DYSF: variants seen among roughly 807,000 people sequenced by gnomAD.
DYSF encodes the protein dystrophy-associated fer-1-like 1.
A neutral mutation model predicts 274.9 loss-of-function variants in DYSF; 212 were observed. That is an observed-to-expected ratio of 0.77 (90% CI 0.69 to 0.86). DYSF has a LOEUF of 0.86. Among genes scored for constraint, DYSF ranks in the 40% least tolerant of loss-of-function variants. The probability of loss-of-function intolerance (pLI) is 0.00; values close to 1 mark genes in which losing one functional copy is unlikely to be tolerated. For synonymous variants in DYSF, 1,091 were observed against 1,078.7 expected (o/e 1.01, Z -0.22); for missense variants, 2,666 against 2,783.2 (o/e 0.96, Z 0.95).
At position 71,482,716 on chromosome 2, in the gene DYSF, G is replaced by A. The variant is rs968005184; in HGVS notation, c.239+746G>A. On this transcript the variant is annotated intron_variant, in intron 3 of 55. Coordinates refer to ENST00000410020, the MANE Select transcript of DYSF (RefSeq NM_001130987.2). ...GACTGGGGCTGTGGGTGGACTGGGA[G>A]ACATAGCACATGAAACTGCTCATGA... Among the ~76,000 whole-genome samples, 5 of 152,278 alleles carry A rather than the reference G, an allele frequency of 3.3e-5. No individual in the cohort carries two copies. The East Asian group carries it at 7.7e-4, about 24-fold the overall frequency.
intron 41 of DYSF, among the ~76,000 whole-genome samples, chr2:71,625,445 C>T (rs1255799320): frequency 1.3e-5 from 2 of 152,094 alleles, no homozygotes; most frequent in South Asian, 2.1e-4. Flanking sequence ...TCTCATTGAT[C>T]CACAGTGACA....
At chr2:71,675,454 G>A (rs2095204052) in intron 52 of DYSF, among the ~76,000 whole-genome samples, 2 of 152,202 alleles carry the variant, frequency 1.3e-5, no homozygotes, top group South Asian at 4.1e-4. Context: ...GACTGGAGAA[G>A]GTGAGTCGTT....
At chr2:71,511,671 C>T (rs1209085161) in intron 4 of DYSF, 136 bp from the exon 5 acceptor site, 3 of 717,528 alleles carry the variant, frequency 4.2e-6, no homozygotes, top group South Asian at 3.0e-5. Flanking sequence ...GGTGGCTTTG[C>T]CACAGCCTCC....
At chr2:71,467,498 A>C (rs2081617936) in intron 1 of DYSF, among the ~76,000 whole-genome samples, 1 of 152,186 alleles carries the variant, frequency 6.6e-6, no homozygotes, top group Non-Finnish European at 1.5e-5. Flanking sequence ...AAATTCAAGA[A>C]GCTAAGTCCC....
intron 22 of DYSF, among the ~76,000 whole-genome samples, chr2:71,557,039 C>T (rs2091388757): frequency 1.3e-5 from 2 of 152,146 alleles, no homozygotes; most frequent in Admixed American, 6.5e-5. Context: ...GAGAAATGCT[C>T]CCGGCCCAGT....
intron 41 of DYSF, among the ~76,000 whole-genome samples, chr2:71,633,263 T>C (rs2094344922): frequency 6.6e-6 from 1 of 152,166 alleles, no homozygotes; most frequent in Non-Finnish European, 1.5e-5. Context: ...GTCGGAGTAT[T>C]TGCATGTCTG....
At chr2:71,644,172 A>C in intron 42 of DYSF, 109 bp downstream of exon 42, 1 of 984,528 alleles carries the variant, frequency 1.0e-6, no homozygotes, top group Non-Finnish European at 1.6e-6. Context: ...TTGTCTCCTC[A>C]TTCGGTGTCT....
At chr2:71,456,404 T>C (rs932184509) in intron 1 of DYSF, among the ~76,000 whole-genome samples, 12 of 152,042 alleles carry the variant, frequency 7.9e-5, no homozygotes, top group Non-Finnish European at 2.9e-5. Context: ...GGCCTCCCTG[T>C]GACATTCAGG....
intron 55 of DYSF, among the ~76,000 whole-genome samples, chr2:71,684,662 GACTAGCAGC>G (rs1394329231): frequency 5.3e-5 from 8 of 152,200 alleles, no homozygotes; most frequent in Admixed American, 5.2e-4. Context: ...GTAGTCGGAG[GACTAGCAGC>G]AGTAGCACCA....
chr2:71,511,150 G>A (rs1573621525), intron 4 of DYSF, among the ~76,000 whole-genome samples: 1 of 152,192 alleles, frequency 6.6e-6, no homozygotes, highest in Non-Finnish European at 1.5e-5. Context: ...TGGGCAACCC[G>A]ACCTCGCCTG....
At chr2:71,463,449 T>A (rs972085510), upstream of DYSF, among the ~76,000 whole-genome samples, 8 of 152,100 alleles carry the variant, frequency 5.3e-5, no homozygotes, top group Admixed American at 3.3e-4. Flanking sequence ...AGCTTGGGGC[T>A]CCCACCCCAC....
At chr2:71,497,833 T>C (rs2084560228) in intron 3 of DYSF, among the ~76,000 whole-genome samples, 1 of 152,210 alleles carries the variant, frequency 6.6e-6, no homozygotes, top group Non-Finnish European at 1.5e-5. Flanking sequence ...AAGCTATATC[T>C]CTACATGTGA....
At chr2:71,484,426 A>C (rs1164026492) in intron 3 of DYSF, among the ~76,000 whole-genome samples, 2 of 152,192 alleles carry the variant, frequency 1.3e-5, no homozygotes, top group Non-Finnish European at 2.9e-5. Context: ...GGTGCACGTG[A>C]TGTTCTGACA....
At chr2:71,461,994 A>C (rs1164994706), upstream of DYSF, among the ~76,000 whole-genome samples, 1 of 152,224 alleles carries the variant, frequency 6.6e-6, no homozygotes, top group Non-Finnish European at 1.5e-5. Context: ...TATAGACTAT[A>C]CAACTCTGTC....
At chr2:71,628,755 A>G (rs2094257591) in intron 41 of DYSF, among the ~76,000 whole-genome samples, 1 of 152,026 alleles carries the variant, frequency 6.6e-6, no homozygotes, top group South Asian at 2.1e-4. Context: ...TTCGAGACCA[A>G]CCTGGGCAAT....
At chr2:71,561,599 G>C (rs908558820) in intron 22 of DYSF, among the ~76,000 whole-genome samples, 153 bp from the exon 23 acceptor site, 2 of 152,186 alleles carry the variant, frequency 1.3e-5, no homozygotes, top group Non-Finnish European at 2.9e-5. Flanking sequence ...ACATCACATA[G>C]AGATGGCTGT....
intron 12 of DYSF, among the ~76,000 whole-genome samples, chr2:71,525,904 G>T (rs899953856): frequency 4.6e-5 from 7 of 152,140 alleles, no homozygotes; most frequent in African/African-American, 1.7e-4. Context: ...TGTTTTAACC[G>T]GGAGGTGGGG....
At chr2:71,649,638 C>G (rs1167665738) in intron 42 of DYSF, among the ~76,000 whole-genome samples, 2 of 152,006 alleles carry the variant, frequency 1.3e-5, no homozygotes, top group Admixed American at 1.3e-4. Context: ...GTCACATGCA[C>G]CACTCCCATC....
intron 42 of DYSF, among the ~76,000 whole-genome samples, chr2:71,653,113 C>T (rs1262132864): frequency 1.3e-5 from 2 of 152,078 alleles, no homozygotes; most frequent in Non-Finnish European, 2.9e-5. Context: ...CAATGAGATA[C>T]CATCTCACAC....
Sources: gnomAD v4.1 joint callset for allele counts (sites outside exome capture counted in the v4.1 genomes callset) on GRCh38, gnomAD v4.1.1 for gene constraint, MANE v1.5 for transcripts, NCBI Gene and HGNC (gene_info 2026-07-23, HGNC 2026-07-21) for gene names.